OXR1: variants seen among roughly 807,000 people sequenced by gnomAD.
OXR1 encodes the protein oxidation resistance 1, also known as oxidation resistance protein 1.
OXR1 carries 41 observed loss-of-function variants against 104.6 expected under a neutral mutation model. That is an observed-to-expected ratio of 0.39 (90% confidence interval 0.31 to 0.51). The LOEUF (loss-of-function observed/expected upper bound fraction) is 0.51. Ranked by LOEUF, OXR1 falls within the 20% of genes least tolerant of loss-of-function variation. The pLI is 0.77. For missense variants in OXR1, 955 were observed against 1,031.9 expected (o/e 0.93, Z 1.02); for synonymous variants, 348 against 348.4 (o/e 1.00, Z 0.01).
At chr8:106,358,219 C>T (rs1816064681) in intron 1 of OXR1, among the ~76,000 whole-genome samples, 1 of 152,192 alleles carries the variant, frequency 6.6e-6, no homozygotes, top group African/African-American at 2.4e-5. Context: ...AAGAATACAC[C>T]TCCTTCCCTG....
chr8:106,606,123 G>A (rs1820364317), intron 3 of OXR1, among the ~76,000 whole-genome samples: 1 of 152,090 alleles, frequency 6.6e-6, no homozygotes, highest in South Asian at 2.1e-4. Context: ...AAGTCGAGGT[G>A]TCAGTAGGTC....
At chr8:106,438,142 T>A (rs2022966) in intron 2 of OXR1, among the ~76,000 whole-genome samples, 3 of 150,726 alleles carry the variant, frequency 2.0e-5, no homozygotes, top group African/African-American at 4.9e-5. Context: ...TGTGGATCTC[T>A]TTGTGTCCAT....
chr8:106,304,214 T>A (rs1039742189), intron 1 of OXR1, among the ~76,000 whole-genome samples: 1 of 152,166 alleles, frequency 6.6e-6, no homozygotes, highest in Non-Finnish European at 1.5e-5. Flanking sequence ...TATTTATTTA[T>A]TTTTTTAAAG....
intron 3 of OXR1, among the ~76,000 whole-genome samples, chr8:106,654,174 T>A (rs929310417): frequency 6.6e-6 from 1 of 152,082 alleles, no homozygotes; most frequent in African/African-American, 2.4e-5. Flanking sequence ...CAACTGACTT[T>A]TTTCTTTGAA....
intron 1 of OXR1, among the ~76,000 whole-genome samples, chr8:106,303,635 G>A (rs979854382): frequency 6.6e-6 from 1 of 152,096 alleles, no homozygotes; most frequent in African/African-American, 2.4e-5. Context: ...TTGGCATAGC[G>A]TTTATGGTAC....
chr8:106,500,756 T>C (rs1323288734), intron 2 of OXR1, among the ~76,000 whole-genome samples: 1 of 152,232 alleles, frequency 6.6e-6, no homozygotes, highest in African/African-American at 2.4e-5. Context: ...AGCAAGTGCA[T>C]AATGTTTTCC....
At chr8:106,709,976 C>T (rs1035657924) in intron 9 of OXR1, among the ~76,000 whole-genome samples, 1 of 152,072 alleles carries the variant, frequency 6.6e-6, no homozygotes, top group South Asian at 2.1e-4. Context: ...GTGCTATTTC[C>T]TCCAGTGTGC....
chr8:106,385,564 T>C (rs2130427311), intron 2 of OXR1, among the ~76,000 whole-genome samples: 1 of 152,270 alleles, frequency 6.6e-6, no homozygotes, highest in Non-Finnish European at 1.5e-5. Flanking sequence ...CCCACCAACC[T>C]GGGGAGTTAA....
At chr8:106,296,719 A>G (rs1406126982) in intron 1 of OXR1, among the ~76,000 whole-genome samples, 1 of 152,176 alleles carries the variant, frequency 6.6e-6, no homozygotes, top group Non-Finnish European at 1.5e-5. Context: ...CTCTCCTTGG[A>G]CAAGCAGTGA....
intron 3 of OXR1, among the ~76,000 whole-genome samples, chr8:106,580,737 C>G (rs1245212544): frequency 6.6e-6 from 1 of 151,824 alleles, no homozygotes; most frequent in Non-Finnish European, 1.5e-5. Context: ...CCAACACTTG[C>G]TATTGTCTGT....
chr8:106,332,893 C>T (rs917691890), intron 1 of OXR1, among the ~76,000 whole-genome samples: 1 of 152,080 alleles, frequency 6.6e-6, no homozygotes, highest in Non-Finnish European at 1.5e-5. Flanking sequence ...TGAAATCATA[C>T]AATCTGTGCC....
intron 2 of OXR1, among the ~76,000 whole-genome samples, chr8:106,424,882 G>T (rs979233728): frequency 6.6e-6 from 1 of 151,500 alleles, no homozygotes; most frequent in Non-Finnish European, 1.5e-5. Flanking sequence ...ATGCATTTTT[G>T]TATTCACATT....
intron 3 of OXR1, among the ~76,000 whole-genome samples, chr8:106,584,088 A>G (rs1818447563): frequency 6.6e-6 from 1 of 150,504 alleles, no homozygotes; most frequent in South Asian, 2.1e-4. Context: ...TATCCAGGAA[A>G]CCAAAATAGG....
At chr8:106,422,536 A>G (rs969952029) in intron 2 of OXR1, among the ~76,000 whole-genome samples, 2 of 151,788 alleles carry the variant, frequency 1.3e-5, no homozygotes, top group Non-Finnish European at 2.9e-5. Flanking sequence ...AATAGTAAAA[A>G]AAGACTAATA....
chr8:106,698,499 CTCT>C, intron 7 of OXR1, among the ~76,000 whole-genome samples: 1 of 152,204 alleles, frequency 6.6e-6, no homozygotes, highest in East Asian at 1.9e-4. Context: ...CCTCTCTTTC[CTCT>C]TCTTTGGGAA....
At chr8:106,330,927 T>C (rs1358962530) in intron 1 of OXR1, among the ~76,000 whole-genome samples, 2 of 152,226 alleles carry the variant, frequency 1.3e-5, no homozygotes, top group East Asian at 1.9e-4. Flanking sequence ...CTGATTTCCA[T>C]AGCCAGTCTT....
chr8:106,386,999 A>G (rs764975201), intron 2 of OXR1, among the ~76,000 whole-genome samples: 3 of 152,230 alleles, frequency 2.0e-5, no homozygotes, highest in Non-Finnish European at 4.4e-5. Context: ...TCAGTAAGCC[A>G]GCAATGGCAA....
At chr8:106,332,693 A>G (rs1410858856) in intron 1 of OXR1, among the ~76,000 whole-genome samples, 2 of 152,174 alleles carry the variant, frequency 1.3e-5, no homozygotes, top group Non-Finnish European at 2.9e-5. Context: ...GTATTCAAAA[A>G]GCTCTGTAAC....
chr8:106,497,951 A>T (rs979311338), intron 2 of OXR1, among the ~76,000 whole-genome samples: 1 of 152,098 alleles, frequency 6.6e-6, no homozygotes, highest in African/African-American at 2.4e-5. Context: ...ATGTATGTGT[A>T]TTGCTCAGGA....
Sources: gnomAD v4.1 joint callset for allele counts (sites outside exome capture counted in the v4.1 genomes callset) on GRCh38, gnomAD v4.1.1 for gene constraint, MANE v1.5 for transcripts, NCBI Gene and HGNC (gene_info 2026-07-23, HGNC 2026-07-21) for gene names.